The following PKHD1 variants were observed in gnomAD, a reference collection of about 807,000 sequenced individuals.
The protein encoded by PKHD1 is fibrocystin.
Under a neutral mutation model 412.0 loss-of-function variants are expected in PKHD1, and 291 were observed. That is an observed-to-expected ratio of 0.71 (90% CI 0.64 to 0.78). The LOEUF is 0.78. Ranked by LOEUF, PKHD1 falls within the 30% of genes least tolerant of loss-of-function variation. PKHD1 has a pLI of 0.00. For synonymous variants in PKHD1, 1,777 were observed against 1,821.5 expected, an observed-to-expected ratio of 0.98 and a Z score of 0.62; for missense variants, 4,825 against 4,950.7, an observed-to-expected ratio of 0.97 and a Z score of 0.76.
intron 52 of PKHD1, among the ~76,000 whole-genome samples, chr6:51,814,562 G>T (rs1341558251): frequency 6.6e-6 from 1 of 152,202 alleles, no homozygotes; most frequent in South Asian, 2.1e-4. Context: ...CAGGAGGTGT[G>T]TCAGGCACCT....
intron 35 of PKHD1, among the ~76,000 whole-genome samples, chr6:51,973,989 C>G (rs1434868258): frequency 6.6e-6 from 1 of 152,178 alleles, no homozygotes; most frequent in African/African-American, 2.4e-5. Context: ...AGGACAAACA[C>G]CAAATCAAAG....
intron 52 of PKHD1, among the ~76,000 whole-genome samples, chr6:51,793,982 T>G (rs9474074): frequency 0.59 from 89,460 of 151,458 alleles, 27,083 homozygotes; most frequent in East Asian, 0.83. Flanking sequence ...TAATTTACAC[T>G]CCTACCAATA....
intron 35 of PKHD1, among the ~76,000 whole-genome samples, chr6:52,004,807 G>C (rs1229136045): frequency 6.6e-6 from 1 of 152,148 alleles, no homozygotes; most frequent in Non-Finnish European, 1.5e-5. Flanking sequence ...GTCAGCATTT[G>C]AAATCTTCTA....
At chr6:51,845,764 T>C (rs1193434746) in intron 50 of PKHD1, among the ~76,000 whole-genome samples, 1 of 152,216 alleles carries the variant, frequency 6.6e-6, no homozygotes, top group African/African-American at 2.4e-5. Context: ...TTGCTATTAA[T>C]TCAATTAATA....
chr6:51,853,572 G>C (rs894487835), intron 49 of PKHD1, among the ~76,000 whole-genome samples: 2 of 152,074 alleles, frequency 1.3e-5, no homozygotes, highest in African/African-American at 4.8e-5. Flanking sequence ...TCAATCATAG[G>C]TTCAGTCTTT....
chr6:51,901,475 T>C (rs1583283512), intron 43 of PKHD1, among the ~76,000 whole-genome samples: 1 of 150,326 alleles, frequency 6.7e-6, no homozygotes, highest in Non-Finnish European at 1.5e-5. Flanking sequence ...AACAATGAGA[T>C]CACATGGACA....
At chr6:51,791,482 A>T in intron 52 of PKHD1, 109 bp from the exon 53 acceptor site, 1 of 957,528 alleles carries the variant, frequency 1.0e-6, no homozygotes, top group Non-Finnish European at 1.7e-6. Flanking sequence ...TATCTAAACC[A>T]GGACAGGTAT....
intron 5 of PKHD1, among the ~76,000 whole-genome samples, chr6:52,078,084 A>G (rs183281113): frequency 6.6e-6 from 1 of 152,306 alleles, no homozygotes; most frequent in African/African-American, 2.4e-5. Flanking sequence ...CACTCAGTCT[A>G]TAATCCTTCT....
intron 60 of PKHD1, among the ~76,000 whole-genome samples, chr6:51,682,705 T>C (rs946285928): frequency 3.9e-5 from 6 of 151,926 alleles, no homozygotes; most frequent in Admixed American, 6.6e-5. Context: ...AAAATGAGAG[T>C]ATAATGTTCC....
intron 43 of PKHD1, among the ~76,000 whole-genome samples, chr6:51,900,283 A>G (rs2127606084): frequency 6.6e-6 from 1 of 152,356 alleles, no homozygotes; most frequent in South Asian, 2.1e-4. Context: ...CTACAAGGCT[A>G]CAGTAACCAA....
chr6:51,938,500 C>CA (rs1554147168), intron 36 of PKHD1, among the ~76,000 whole-genome samples: 12 of 134,564 alleles, frequency 8.9e-5, no homozygotes, highest in African/African-American at 3.2e-4. Context: ...TGTGACCCCC[C>CA]ACTCCTGCCC....
intron 36 of PKHD1, among the ~76,000 whole-genome samples, chr6:51,941,051 G>T (rs895089463): frequency 2.0e-5 from 3 of 150,102 alleles, no homozygotes; most frequent in Admixed American, 1.3e-4. Context: ...TCCTCCTCTT[G>T]TATCCCCCCC....
chr6:52,039,719 GA>G (rs1299054376), intron 27 of PKHD1, among the ~76,000 whole-genome samples: 1 of 152,104 alleles, frequency 6.6e-6, no homozygotes, highest in African/African-American at 2.4e-5. Context: ...GTTAAACATG[GA>G]GTTACCATAT....
intron 23 of PKHD1, among the ~76,000 whole-genome samples, chr6:52,047,144 T>A (rs904774273): frequency 2.0e-5 from 3 of 152,182 alleles, no homozygotes; most frequent in African/African-American, 4.8e-5. Flanking sequence ...GATCTGAGGA[T>A]CATCAGTGAT....
chr6:51,722,944 G>A (rs780393022), intron 60 of PKHD1, among the ~76,000 whole-genome samples: 7 of 152,098 alleles, frequency 4.6e-5, no homozygotes, highest in Non-Finnish European at 1.0e-4. Flanking sequence ...GAACAATAAA[G>A]GGTCATTCTC....
In PKHD1 at chr6:51,962,816, A is replaced by G. The variant is rs1792269718; in HGVS notation, c.5752-2790T>C. Among the ~76,000 whole-genome samples, 4 of 151,984 alleles carry G rather than the reference A, an allele frequency of 2.6e-5. No homozygotes were observed. The South Asian group carries it at 8.3e-4, about 32-fold the overall frequency. Reference sequence around the variant, plus strand: ...TTATTATTTTTAAAAAGCACCCCCAATCATTCCTTCATTCCTTCTCCCCTA... The same window carrying G: ...TTATTATTTTTAAAAAGCACCCCCAGTCATTCCTTCATTCCTTCTCCCCTA... On this transcript the variant is annotated intron_variant, in intron 35 of 66. Transcript: ENST00000371117.
At position 51,883,135 on chromosome 6, in the gene PKHD1, A is replaced by C. The variant is rs771622189; in HGVS notation, c.7308T>G (p.Thr2436=). Residue 2436 remains threonine, a synonymous_variant, in exon 46 of 67, where the codon ACT becomes ACG. Coordinates refer to ENST00000371117, the MANE Select transcript of PKHD1 (RefSeq NM_138694.4). ...GIDVLESDAN[T]SVTDSLLLGH... ...CAAGTAATAAGCTGTCAGTAACTGA[A>C]GTATTTGCATCACTTTCCAAGACGT... The C allele has an allele frequency of 2.0e-5, 32 of 1,612,938 alleles. No individual in the cohort carries two copies. In the Admixed American group the frequency reaches 5.3e-4, roughly 27 times the overall value.
intron 37 of PKHD1, among the ~76,000 whole-genome samples, chr6:51,924,186 C>T (rs1365347006): frequency 1.3e-5 from 2 of 152,124 alleles, no homozygotes; most frequent in Non-Finnish European, 2.9e-5. Flanking sequence ...TTTGATGATG[C>T]ATATGGAAGA....
intron 46 of PKHD1, among the ~76,000 whole-genome samples, chr6:51,872,192 A>T (rs879483873): frequency 6.6e-6 from 1 of 151,726 alleles, no homozygotes; most frequent in Middle Eastern, 3.4e-3. Context: ...AAGAATTATC[A>T]AAGAAATAAT....
Sources: allele counts gnomAD v4.1 joint callset (sites outside exome capture counted in the v4.1 genomes callset), GRCh38; gene constraint gnomAD v4.1.1; transcripts MANE v1.5; gene names NCBI Gene and HGNC (gene_info 2026-07-23, HGNC 2026-07-21).